The following MARCO variants were observed in gnomAD, a reference collection of about 807,000 sequenced individuals.
MARCO encodes the protein macrophage receptor MARCO.
Under a neutral mutation model 70.0 loss-of-function variants are expected in MARCO, and 72 were observed. The ratio of observed to expected loss-of-function variants is 1.03; its 90% confidence interval spans 0.85 to 1.25. The LOEUF is 1.25. Ranked by LOEUF, MARCO falls within the 50% of genes most tolerant of loss-of-function variation. MARCO has a pLI of 0.00. For missense variants in MARCO, 696 were observed against 659.3 expected, an observed-to-expected ratio of 1.06 and a Z score of -0.61; for synonymous variants, 273 against 243.1, an observed-to-expected ratio of 1.12 and a Z score of -1.14.
At chr2:118,991,906 T>C (rs759828077) in intron 14 of MARCO, 31 bp downstream of exon 14, 19 of 1,446,950 alleles carry the variant, frequency 1.3e-5, no homozygotes, top group Non-Finnish European at 1.7e-5. Context: ...TCCTTTGTTC[T>C]TAGGACTGTG....
chr2:118,988,361 A>G (rs1680555488), intron 12 of MARCO, among the ~76,000 whole-genome samples: 1 of 152,040 alleles, frequency 6.6e-6, no homozygotes, highest in African/African-American at 2.4e-5. Flanking sequence ...AGGTGGTCAC[A>G]ATAAAGGGTG....
At chr2:118,990,692 C>A in intron 13 of MARCO, 59 bp downstream of exon 13, 1 of 1,522,690 alleles carries the variant, frequency 6.6e-7, no homozygotes, top group Non-Finnish European at 9.1e-7. Context: ...CCTGCCTTCT[C>A]AGAGGGCAGG....
intron 1 of MARCO, among the ~76,000 whole-genome samples, chr2:118,959,991 A>G (rs887056803): frequency 5.3e-5 from 8 of 152,084 alleles, no homozygotes; most frequent in Non-Finnish European, 7.4e-5. Context: ...ATAAAAGACT[A>G]CAAATACAGG....
rs536426546 is a variant in MARCO at position 118,977,563 on chromosome 2, C to T, written c.658+48C>T. 5.2e-6 allele frequency: 8 copies of T among 1,553,260 alleles called. No individual in the cohort carries two copies. The South Asian group carries it at 8.9e-5, about 17-fold the overall frequency. On this transcript the variant is annotated intron_variant, in intron 7 of 16. Transcript: ENST00000327097. ...GGGACAAATGATGCATAGCCTGAGGCACTGAGGCAGTTCCCCCCCACCCCC... is the reference window on the plus strand; with the variant it reads ...GGGACAAATGATGCATAGCCTGAGGTACTGAGGCAGTTCCCCCCCACCCCC...
At chr2:118,974,258 C>T in intron 4 of MARCO, 75 bp from the exon 5 acceptor site, 1 of 859,360 alleles carries the variant, frequency 1.2e-6, no homozygotes, top group Admixed American at 2.0e-5. Flanking sequence ...AATGAATCAC[C>T]ATGTAAGTGA....
intron 12 of MARCO, among the ~76,000 whole-genome samples, chr2:118,983,256 T>C (rs1294125450): frequency 6.6e-6 from 1 of 152,202 alleles, no homozygotes; most frequent in African/African-American, 2.4e-5. Flanking sequence ...TCCACCCCTG[T>C]CCTCTGCCTG....
chr2:118,979,674 A>G (rs1680353115), intron 8 of MARCO, among the ~76,000 whole-genome samples: 1 of 152,164 alleles, frequency 6.6e-6, no homozygotes, highest in African/African-American at 2.4e-5. Flanking sequence ...TGGTTGGCGA[A>G]GGGAAAGGCA....
At chr2:118,981,551 CT>C (rs111379161) in intron 9 of MARCO, 44 bp downstream of exon 9, 60,134 of 1,369,098 alleles carry the variant, frequency 0.044, 4 homozygotes, top group Non-Finnish European at 0.048. Flanking sequence ...TAGGTATTTC[CT>C]TTTTTTTTTT....
In MARCO at chr2:118,990,578, T is replaced by G. The variant is rs765400717; in HGVS notation, c.1064-11T>G. 3.3e-6 allele frequency: 4 copies of G among 1,194,576 alleles called. No individual in the cohort carries two copies. Among genetic ancestry groups the G allele is most frequent in the Non-Finnish European group, 4.8e-6 (4 of 830,198 alleles). 74.0% of individuals were successfully genotyped at this position (1,194,576 alleles called of 1,614,324 possible). On this transcript the variant is annotated splice_polypyrimidine_tract_variant and intron_variant, in intron 12 of 16. Coordinates refer to ENST00000327097, the MANE Select transcript of MARCO (RefSeq NM_006770.4). Reference sequence around the variant, plus strand: ...ATCTCCTCCCCCCCCCCTTTTTTGTTTTGATCTTAGGACTTCAAGGACAGC... The same window carrying G: ...ATCTCCTCCCCCCCCCCTTTTTTGTGTTGATCTTAGGACTTCAAGGACAGC...
At chr2:118,965,203 C>T (rs1465836524) in intron 1 of MARCO, among the ~76,000 whole-genome samples, 2 of 152,124 alleles carry the variant, frequency 1.3e-5, no homozygotes, top group East Asian at 1.9e-4. Context: ...TGTTACTGGC[C>T]CACAGGTCTC....
intron 1 of MARCO, among the ~76,000 whole-genome samples, chr2:118,958,741 A>G (rs369521604): frequency 6.6e-6 from 1 of 152,190 alleles, no homozygotes; most frequent in Non-Finnish European, 1.5e-5. Flanking sequence ...GCATCACACT[A>G]TCTGATTTCA....
At chr2:118,946,938 G>A (rs994378949) in intron 1 of MARCO, among the ~76,000 whole-genome samples, 3 of 152,106 alleles carry the variant, frequency 2.0e-5, no homozygotes, top group Non-Finnish European at 4.4e-5. Context: ...CTTCTCATGT[G>A]CTTAAATACC....
chr2:118,968,991 G>A (rs1378670853), intron 1 of MARCO, among the ~76,000 whole-genome samples, 169 bp from the exon 2 acceptor site: 1 of 152,184 alleles, frequency 6.6e-6, no homozygotes, highest in African/African-American at 2.4e-5. Context: ...TTTGCTTTGT[G>A]GCAAGAAAGA....
At chr2:118,992,546 T>TA (rs890320946) in intron 15 of MARCO, 70 bp downstream of exon 15, 1 of 1,329,016 alleles carries the variant, frequency 7.5e-7, no homozygotes, top group Non-Finnish European at 1.1e-6. Flanking sequence ...TTGTGTGTGT[T>TA]GGGGGAAGAG....
At chr2:118,953,036 C>T (rs73948228) in intron 1 of MARCO, 1 of 152,338 alleles carries the variant, frequency 6.6e-6, no homozygotes, top group African/African-American at 2.4e-5. Flanking sequence ...TTGGGTTGTC[C>T]TTGCTGCGTG....
intron 12 of MARCO, among the ~76,000 whole-genome samples, chr2:118,984,565 G>A (rs569098882): frequency 5.3e-5 from 8 of 152,288 alleles, no homozygotes; most frequent in Admixed American, 3.3e-4. Context: ...TTGCCCACCC[G>A]AGTCCAAATG....
intron 12 of MARCO, among the ~76,000 whole-genome samples, chr2:118,986,642 AAAG>A (rs1680498064): frequency 2.2e-5 from 1 of 45,890 alleles, no homozygotes; most frequent in Admixed American, 2.1e-4. Flanking sequence ...AGAAAGAAAG[AAAG>A]AAAGAAAGAA....
At chr2:118,992,868 G>T (rs778570010) in intron 15 of MARCO, 2 of 488,198 alleles carry the variant, frequency 4.1e-6, no homozygotes, top group African/African-American at 3.9e-5. Flanking sequence ...GACAAGACGT[G>T]GTGTATGCGA....
At chr2:118,946,042 C>T in intron 1 of MARCO, among the ~76,000 whole-genome samples, 1 of 152,196 alleles carries the variant, frequency 6.6e-6, no homozygotes, top group East Asian at 1.9e-4. Context: ...TTCTCAACAT[C>T]TTTTAAACAT....
Sources: gnomAD v4.1 joint callset for allele counts (sites outside exome capture counted in the v4.1 genomes callset) on GRCh38, gnomAD v4.1.1 for gene constraint, MANE v1.5 for transcripts, NCBI Gene and HGNC (gene_info 2026-07-23, HGNC 2026-07-21) for gene names.